Variants in EVI5 observed in about 807,000 individuals in gnomAD.
EVI5 encodes the protein ecotropic viral integration site 5, also known as ecotropic viral integration site 5 protein homolog.
In EVI5, 73 loss-of-function variants were observed where a neutral mutation model predicts 112.0. That is an observed-to-expected ratio of 0.65 (90% CI 0.54 to 0.79). EVI5 has a LOEUF of 0.79. Among genes scored for constraint, EVI5 ranks in the 30% least tolerant of loss-of-function variants. The pLI is 0.00. For missense variants in EVI5, 900 were observed against 968.8 expected (o/e 0.93, Z 0.94); for synonymous variants, 305 against 319.9 (o/e 0.95, Z 0.50).
At chr1:92,789,739 G>C (rs185965756), upstream of EVI5, among the ~76,000 whole-genome samples, 25 of 152,298 alleles carry the variant, frequency 1.6e-4, no homozygotes, top group Admixed American at 2.6e-4. Flanking sequence ...TTAAACCCTG[G>C]AACACCGTGC....
chr1:92,663,326 T>G, intron 12 of EVI5, 94 bp downstream of exon 12: 1 of 539,588 alleles, frequency 1.9e-6, no homozygotes, highest in Non-Finnish European at 3.1e-6. Flanking sequence ...GCATGTAAAA[T>G]TGCATGCATT....
At chr1:92,630,198 G>A (rs1265244966) in intron 14 of EVI5, among the ~76,000 whole-genome samples, 1 of 152,158 alleles carries the variant, frequency 6.6e-6, no homozygotes. Flanking sequence ...TGGGATGGCT[G>A]GGTCAAATGG....
intron 1 of EVI5, among the ~76,000 whole-genome samples, chr1:92,769,433 T>G (rs1683075682): frequency 6.6e-6 from 1 of 152,204 alleles, no homozygotes; most frequent in South Asian, 2.1e-4. Flanking sequence ...CTTCTGTCCT[T>G]GTCAGTATTT....
chr1:92,555,022 T>G (rs939989648), intron 19 of EVI5, among the ~76,000 whole-genome samples: 2 of 152,104 alleles, frequency 1.3e-5, no homozygotes, highest in African/African-American at 4.8e-5. Context: ...GTTTTTAAAA[T>G]ATAAGTGGAG....
chr1:92,767,966 G>A (rs1442384188), intron 1 of EVI5, among the ~76,000 whole-genome samples: 1 of 151,894 alleles, frequency 6.6e-6, no homozygotes, highest in Non-Finnish European at 1.5e-5. Flanking sequence ...TATAATCCCA[G>A]CTACTTGGGA....
At chr1:92,668,646 C>G (rs1387358052) in intron 10 of EVI5, among the ~76,000 whole-genome samples, 1 of 152,134 alleles carries the variant, frequency 6.6e-6, no homozygotes, top group Non-Finnish European at 1.5e-5. Context: ...GATTTTCTCC[C>G]ACAAACAACT....
chr1:92,773,210 A>AC (rs1177551171), intron 1 of EVI5, among the ~76,000 whole-genome samples: 3 of 151,902 alleles, frequency 2.0e-5, no homozygotes, highest in African/African-American at 7.2e-5. Context: ...AAAAAAAAAA[A>AC]AAAACTTCAT....
At chr1:92,635,508 G>A (rs1658600469) in intron 14 of EVI5, among the ~76,000 whole-genome samples, 1 of 152,274 alleles carries the variant, frequency 6.6e-6, no homozygotes, top group African/African-American at 2.4e-5. Flanking sequence ...CTGGTGTGCT[G>A]TTTGCTCAGA....
At chr1:92,564,475 G>T in intron 18 of EVI5, among the ~76,000 whole-genome samples, 1 of 152,048 alleles carries the variant, frequency 6.6e-6, no homozygotes, top group East Asian at 1.9e-4. Flanking sequence ...ACTCTAAAAA[G>T]GGGAGGACAA....
chr1:92,653,668 A>G (rs957007981), intron 13 of EVI5, among the ~76,000 whole-genome samples: 3 of 152,196 alleles, frequency 2.0e-5, no homozygotes, highest in African/African-American at 7.2e-5. Context: ...TCAGTCCACC[A>G]TATCTAAGCT....
intron 1 of EVI5, among the ~76,000 whole-genome samples, chr1:92,748,695 T>G (rs1441773106): frequency 1.4e-5 from 2 of 147,884 alleles, no homozygotes; most frequent in East Asian, 3.8e-4. Flanking sequence ...AGACAGAGGC[T>G]TCAAATAATT....
At position 92,784,858 on chromosome 1, in the gene EVI5, C is replaced by T. The variant is rs916152499; in HGVS notation, c.-104G>A. On this transcript the variant is annotated 5_prime_UTR_variant, in exon 1 of 20. Transcript: ENST00000684568. ...CACCTTGGAAACGTTGAGTAGACTTCGCCGTAAACATTAACTTCCCATCCA... is the reference window on the plus strand; with the variant it reads ...CACCTTGGAAACGTTGAGTAGACTTTGCCGTAAACATTAACTTCCCATCCA... The T allele has an allele frequency of 7.1e-6, 7 of 985,524 alleles. No homozygotes were observed. The highest frequency in any genetic ancestry group is 4.7e-5 in the South Asian group (1 of 21,300). The allele number at this position is 985,524 out of a possible 1,614,324, so 61.0% of individuals were successfully genotyped here. A position where few individuals can be genotyped will look rare whatever the true frequency, so the allele number is the denominator to read the frequency against.
At chr1:92,527,576 C>T (rs1042462353) in intron 19 of EVI5, among the ~76,000 whole-genome samples, 1 of 151,988 alleles carries the variant, frequency 6.6e-6, no homozygotes, top group African/African-American at 2.4e-5. Context: ...AAATTATCAC[C>T]CAGATTGAGC....
intron 1 of EVI5, among the ~76,000 whole-genome samples, chr1:92,768,569 C>CT (rs1273538326): frequency 6.6e-6 from 1 of 152,182 alleles, no homozygotes; most frequent in Non-Finnish European, 1.5e-5. Flanking sequence ...ACCTGCTCCT[C>CT]TGCCATATTT....
In EVI5 at chr1:92,662,711, C is replaced by T. The variant is rs919175620; in HGVS notation, c.1392+8G>A. Reference sequence around the variant, plus strand: ...GAAAGATGAGAAAAGCACTACCAGACTCCTTACCCATTGTTGTTGGTGCTG... The same window carrying T: ...GAAAGATGAGAAAAGCACTACCAGATTCCTTACCCATTGTTGTTGGTGCTG... On this transcript the variant is annotated splice_region_variant and intron_variant, in intron 13 of 19. Coordinates refer to ENST00000684568, the MANE Select transcript of EVI5 (RefSeq NM_001350197.2). The T allele has an allele frequency of 1.6e-6, 2 of 1,237,532 alleles. No individual in the cohort carries two copies. Among genetic ancestry groups the T allele is most frequent in the African/African-American group, 3.2e-5 (2 of 63,300 alleles). The allele number at this position is 1,237,532 out of a possible 1,614,324, so 76.7% of individuals were successfully genotyped here.
In EVI5 at chr1:92,687,638, C is replaced by G. The variant is rs139643555; in HGVS notation, c.1097+6164G>C. 3.1e-3 allele frequency among the ~76,000 whole-genome samples: 475 copies of G among 152,126 alleles called. 2 individuals are homozygous for G. Among genetic ancestry groups the G allele is most frequent in the Non-Finnish European group, 5.1e-3 (349 of 67,964 alleles). Reference sequence around the variant, plus strand: ...ATGGGAGAAAATCTTTGCAATCTACCCATCTGACAAAGGGCTAATATCCAG... The same window carrying G: ...ATGGGAGAAAATCTTTGCAATCTACGCATCTGACAAAGGGCTAATATCCAG... On this transcript the variant is annotated intron_variant, in intron 9 of 19. Coordinates refer to ENST00000684568, the MANE Select transcript of EVI5 (RefSeq NM_001350197.2).
chr1:92,662,971 A>G, intron 12 of EVI5, 106 bp from the exon 13 acceptor site: 1 of 547,056 alleles, frequency 1.8e-6, no homozygotes, highest in Non-Finnish European at 2.5e-6. Context: ...AAAAAAAAAA[A>G]AGTCACCTCA....
rs1161051682 is a variant in EVI5 at position 92,525,135 on chromosome 1, A to C, written c.2167-11165T>G. On this transcript the variant is annotated intron_variant, in intron 19 of 19. Coordinates refer to ENST00000684568, the MANE Select transcript of EVI5 (RefSeq NM_001350197.2). ...GAATCACTGGCGCCCAGCCAGATTA[A>C]GTATTTTTTAATACAACTCAACAGC... Among the ~76,000 whole-genome samples the C allele has an allele frequency of 2.6e-5, 4 of 152,118 alleles. No homozygotes were observed. In the East Asian group the frequency reaches 7.8e-4, roughly 30 times the overall value.
chr1:92,788,893 T>C (rs1685875625), upstream of EVI5, among the ~76,000 whole-genome samples: 1 of 152,236 alleles, frequency 6.6e-6, no homozygotes, highest in African/African-American at 2.4e-5. Flanking sequence ...GTATGGGTAT[T>C]GGCTAAGGCT....
Sources: gnomAD v4.1 joint callset for allele counts (sites outside exome capture counted in the v4.1 genomes callset) on GRCh38, gnomAD v4.1.1 for gene constraint, MANE v1.5 for transcripts, NCBI Gene and HGNC (gene_info 2026-07-23, HGNC 2026-07-21) for gene names.